The following USP6 variants were observed in gnomAD, a reference collection of about 807,000 sequenced individuals.
USP6 encodes ubiquitin carboxyl-terminal hydrolase 6.
Under a neutral mutation model 175.7 loss-of-function variants are expected in USP6, and 128 were observed. That is an observed-to-expected ratio of 0.73 (90% CI 0.63 to 0.84). The LOEUF (loss-of-function observed/expected upper bound fraction) is 0.84, where lower values mean the gene tolerates loss of function less well. Among genes scored for constraint, USP6 ranks in the 40% least tolerant of loss-of-function variants. USP6 has a pLI of 0.00. For synonymous variants in USP6, 562 were observed against 630.6 expected, an observed-to-expected ratio of 0.89 and a Z score of 1.63; for missense variants, 1,498 against 1,760.3, an observed-to-expected ratio of 0.85 and a Z score of 2.67.
chr17:5,149,986 G>A (rs563717307), intron 30 of USP6, among the ~76,000 whole-genome samples: 4 of 152,186 alleles, frequency 2.6e-5, no homozygotes, highest in East Asian at 3.9e-4. Flanking sequence ...GGACTTTAGT[G>A]TCCTAATTTT....
At position 5,148,609 on chromosome 17, in the gene USP6, G is replaced by GACCT. The variant is rs1290089726; in HGVS notation, c.2489_2492dup (p.Lys832ThrfsTer20). ...AATGTTCACCCTAACTACCAATGGG[G>GACCT]ACCTACCCAAACCAATATTCATCCC... On this transcript the variant is annotated frameshift_variant, in exon 30 of 38. Transcript: ENST00000574788. LOFTEE classifies it high-confidence loss of function. 1 of 1,613,852 alleles carries GACCT rather than the reference G, an allele frequency of 6.2e-7. No homozygotes were observed. Among genetic ancestry groups the GACCT allele is most frequent in the Non-Finnish European group, 8.5e-7 (1 of 1,179,844 alleles).
At chr17:5,158,608 A>AGG (rs2073937775) in intron 31 of USP6, among the ~76,000 whole-genome samples, 1 of 108,642 alleles carries the variant, frequency 9.2e-6, no homozygotes, top group African/African-American at 3.9e-5. Context: ...AGAGAGAGGG[A>AGG]GAGGGGGAGA....
chr17:5,172,862 C>A lies in USP6; in HGVS notation c.4105C>A (p.Gln1369Lys). The A allele has an allele frequency of 6.2e-7, 1 of 1,613,904 alleles. No individual in the cohort carries two copies. Among genetic ancestry groups the A allele is most frequent in the Non-Finnish European group, 8.5e-7 (1 of 1,179,874 alleles). ...DSAYILFYEQ[Q>K]GIDYAQFLPK... The stretch of plus-strand genomic sequence containing the variant: ...TGCCTACATTCTTTTCTATGAGCAG[C>A]AGGGGATAGACTACGCACAATTTCT... Residue 1369 changes from glutamine (Q) to lysine (K), a missense_variant, in exon 38 of 38, where the codon CAG becomes AAG. Physicochemically the swap from Gln to Lys is moderately conservative, Grantham distance 53 (BLOSUM62 1). Transcript: ENST00000574788.
rs756102957 is a variant in USP6 at position 5,136,674 on chromosome 17, G to A, written c.699G>A (p.Gly233=). ...FHSPNGGTVQ[G]LQDQQEHVVP... ...GCCCAAATGGTGGGACAGTCCAGGG[G>A]CTCCAAGACCAACAGGAGCATGTGG... The change falls in exon 18 of 38, where the codon GGG becomes GGA. Residue 233 remains glycine, a synonymous_variant. Transcript: ENST00000574788. 23 of 1,611,936 alleles carry A rather than the reference G, an allele frequency of 1.4e-5. No homozygotes were observed. Among genetic ancestry groups the A allele is most frequent in the Non-Finnish European group, 1.9e-5 (22 of 1,179,740 alleles).
chr17:5,152,358 T>C (rs545636549), intron 30 of USP6, among the ~76,000 whole-genome samples: 19 of 152,294 alleles, frequency 1.2e-4, no homozygotes, highest in African/African-American at 4.6e-4. Context: ...CTGACAGGGT[T>C]GCTAAGTAGA....
At chr17:5,121,032 C>T (rs1054345524) in intron 3 of USP6, among the ~76,000 whole-genome samples, 8 of 152,184 alleles carry the variant, frequency 5.3e-5, no homozygotes, top group African/African-American at 1.9e-4. Flanking sequence ...TGGGTTTCCA[C>T]CACAGCTGTT....
At chr17:5,123,129 G>T (rs1478317345) in intron 4 of USP6, 13 of 153,796 alleles carry the variant, frequency 8.5e-5, no homozygotes, top group African/African-American at 3.1e-4. Flanking sequence ...AGGGGCGGCG[G>T]CAGCGGCCGG....
At chr17:5,152,102 C>T (rs2073786606) in intron 30 of USP6, among the ~76,000 whole-genome samples, 4 of 151,936 alleles carry the variant, frequency 2.6e-5, no homozygotes, top group Admixed American at 2.6e-4. Flanking sequence ...ATTAACTGGG[C>T]ATGGTGGTGG....
chr17:5,130,728 T>C (rs2143826612), intron 11 of USP6, 44 bp downstream of exon 11: 1 of 1,608,364 alleles, frequency 6.2e-7, no homozygotes, highest in South Asian at 1.1e-5. Context: ...AGCAGCTGTC[T>C]CAGCTCAGGG....
chr17:5,135,964 C>T (rs781039788), intron 17 of USP6, 36 bp downstream of exon 17: 1 of 1,597,320 alleles, frequency 6.3e-7, no homozygotes, highest in Non-Finnish European at 8.5e-7. Flanking sequence ...CTCACGCAGC[C>T]AGACCCGGGA....
In USP6 at chr17:5,135,294, C is replaced by T. The variant is rs147038043; in HGVS notation, c.543+12C>T. 83 of 1,612,198 alleles carry T rather than the reference C, an allele frequency of 5.1e-5. 1 individual carries two copies. The Middle Eastern group carries it at 1.2e-3, about 23-fold the overall frequency. On this transcript the variant is annotated intron_variant, in intron 16 of 37. Coordinates refer to ENST00000574788, the MANE Select transcript of USP6 (RefSeq NM_001304284.2). The stretch of plus-strand genomic sequence containing the variant: ...CGGAGTATAACCCGGTGAGTATTCC[C>T]GGCAGTGAGGTTCCCAGGCTGTATT...
intron 18 of USP6, 111 bp from the exon 19 acceptor site, chr17:5,137,010 C>G (rs2073274792): frequency 1.5e-6 from 2 of 1,299,748 alleles, no homozygotes; most frequent in Non-Finnish European, 2.2e-6. Context: ...GTGGGGAGTT[C>G]TGGACACCGC....
At chr17:5,138,873 C>A in intron 21 of USP6, 1 of 747,972 alleles carries the variant, frequency 1.3e-6, no homozygotes. Flanking sequence ...CGGGCCCAGT[C>A]ACCCACTGCG....
chr17:5,134,333 C>T lies in USP6; in HGVS notation c.494+337C>T, dbSNP rs576352627. On this transcript the variant is annotated intron_variant, in intron 15 of 37. Coordinates refer to ENST00000574788, the MANE Select transcript of USP6 (RefSeq NM_001304284.2). ...GGCAGGATGGAGGGCCCATGAGCCT[C>T]CCCAGGCAACACAGCACCAAATGCT... is the stretch of plus-strand genomic sequence containing the variant. 111 of 319,740 alleles carry T rather than the reference C, an allele frequency of 3.5e-4. No individual in the cohort carries two copies. The South Asian group carries it at 4.0e-3, about 12-fold the overall frequency. 19.8% of individuals were successfully genotyped at this position (319,740 alleles called of 1,614,324 possible). A position where few individuals can be genotyped will look rare whatever the true frequency, so the allele number is the denominator to read the frequency against.
Position 5,124,604 on chromosome 17 carries a change from C to G in USP6, c.-1260C>G, listed in dbSNP as rs2072831200. The G allele has an allele frequency of 3.3e-5, 5 of 152,504 alleles. No individual in the cohort carries two copies. Among genetic ancestry groups the G allele is most frequent in the Middle Eastern group, 3.2e-3 (1 of 314 alleles). 9.4% of individuals were successfully genotyped at this position (152,504 alleles called of 1,614,324 possible). A position where few individuals can be genotyped will look rare whatever the true frequency, so the allele number is the denominator to read the frequency against. ...AGACGTCCACCCACACATCAGGAGA[C>G]AGGCCTGGAACAGAGCCTTCCTGCA... On this transcript the variant is annotated 5_prime_UTR_variant, in exon 5 of 38. Transcript: ENST00000574788.
intron 28 of USP6, among the ~76,000 whole-genome samples, chr17:5,146,450 G>C (rs1340495319): frequency 2.6e-5 from 4 of 152,092 alleles, no homozygotes; most frequent in Non-Finnish European, 5.9e-5. Context: ...TATAGTATAG[G>C]TTTCCTCCAA....
Position 5,155,597 on chromosome 17 carries a change from C to G in USP6, c.2819C>G (p.Ala940Gly). The change falls in exon 31 of 38, where the codon GCC (alanine) becomes GGC (glycine). Residue 940 changes from alanine to glycine, a missense_variant. By Grantham distance (60) the Ala-to-Gly change is moderately conservative. Coordinates refer to ENST00000574788, the MANE Select transcript of USP6 (RefSeq NM_001304284.2). ...CCACCTCAGGAAGCTAGTATTCATG[C>G]CCAGGATCGGTGAGTTCAGGGGATC... is the stretch of plus-strand genomic sequence containing the variant. ...PLPPQEASIH[A>G]QDRDNCMGYQ... 6.2e-7 allele frequency: 1 copy of G among 1,613,962 alleles called. No individual in the cohort carries two copies. Among genetic ancestry groups the G allele is most frequent in the Non-Finnish European group, 8.5e-7 (1 of 1,179,942 alleles).
chr17:5,155,259 G>A (rs1323063137), intron 30 of USP6, among the ~76,000 whole-genome samples, 163 bp from the exon 31 acceptor site: 4 of 152,146 alleles, frequency 2.6e-5, no homozygotes, highest in African/African-American at 7.2e-5. Context: ...ACTGTAAACC[G>A]TTCTCTTTGT....
intron 4 of USP6, among the ~76,000 whole-genome samples, chr17:5,123,802 GACAC>G (rs151078930): frequency 9.9e-5 from 15 of 151,256 alleles, no homozygotes; most frequent in African/African-American, 2.2e-4. Context: ...ACACCTGTAG[GACAC>G]ACACACACAC....
Sources: allele counts gnomAD v4.1 joint callset (sites outside exome capture counted in the v4.1 genomes callset), GRCh38; gene constraint gnomAD v4.1.1; transcripts MANE v1.5; gene names NCBI Gene and HGNC (gene_info 2026-07-23, HGNC 2026-07-21).